Variants in PTPRB observed in about 807,000 individuals in gnomAD.
The protein encoded by PTPRB is protein tyrosine phosphatase receptor type B.
In PTPRB, 97 loss-of-function variants were observed where a neutral mutation model predicts 238.1. That is an observed-to-expected ratio of 0.41 (90% CI 0.35 to 0.48). The LOEUF (loss-of-function observed/expected upper bound fraction) is 0.48, where lower values mean the gene tolerates loss of function less well. Among genes scored for constraint, PTPRB ranks in the 20% least tolerant of loss-of-function variants. The pLI, the probability that PTPRB is intolerant of heterozygous loss-of-function variation, is 0.30. For synonymous variants in PTPRB, 970 were observed against 995.4 expected (o/e 0.97, Z 0.48); for missense variants, 2,292 against 2,681.9 (o/e 0.85, Z 3.21).
chr12:70,596,451 C>G, intron 4 of PTPRB, 124 bp from the exon 5 acceptor site: 1 of 1,049,902 alleles, frequency 9.5e-7, no homozygotes, highest in Non-Finnish European at 1.2e-6. Flanking sequence ...TCATTTTTCT[C>G]AAAAATCTGT....
chr12:70,584,753 T>G (rs35608116), intron 9 of PTPRB, among the ~76,000 whole-genome samples: 1 of 151,918 alleles, frequency 6.6e-6, no homozygotes, highest in Non-Finnish European at 1.5e-5. Context: ...ATGAAGAAAT[T>G]TGAATAACGT....
At chr12:70,541,197 A>G (rs1001319728) in intron 22 of PTPRB, 4 of 395,046 alleles carry the variant, frequency 1.0e-5, no homozygotes, top group Non-Finnish European at 1.8e-5. Context: ...TTTGAAGTTA[A>G]TGTTGCATAG....
intron 8 of PTPRB, among the ~76,000 whole-genome samples, chr12:70,588,852 CTGA>C (rs1882203763): frequency 6.6e-6 from 1 of 151,986 alleles, no homozygotes; most frequent in Non-Finnish European, 1.5e-5. Context: ...ACTTGGGAGG[CTGA>C]GGCACAAGAA....
intron 33 of PTPRB, among the ~76,000 whole-genome samples, chr12:70,522,864 T>TTTC (rs1871814241): frequency 3.4e-5 from 1 of 29,106 alleles, no homozygotes; most frequent in African/African-American, 2.5e-4. Context: ...TTGTTTTTTC[T>TTTC]TTTTTTTTTT....
chr12:70,530,107 T>TAGAA (rs1209872547), intron 32 of PTPRB, among the ~76,000 whole-genome samples: 3 of 150,552 alleles, frequency 2.0e-5, no homozygotes, highest in East Asian at 1.9e-4. Flanking sequence ...TTATAGATTA[T>TAGAA]AGAAAGATTT....
intron 3 of PTPRB, 26 bp downstream of exon 3, chr12:70,622,364 A>G (rs774019292): frequency 1.9e-6 from 3 of 1,609,150 alleles, no homozygotes; most frequent in Non-Finnish European, 2.5e-6. Context: ...TGCACAGACC[A>G]CACTCCACAC....
intron 21 of PTPRB, 137 bp from the exon 22 acceptor site, chr12:70,544,800 C>T (rs1875719253): frequency 1.9e-6 from 1 of 530,174 alleles, no homozygotes; most frequent in Non-Finnish European, 3.3e-6. Flanking sequence ...ATCGGATAGA[C>T]CTGGGTTCAT....
chr12:70,602,326 C>T (rs900917868), intron 4 of PTPRB, among the ~76,000 whole-genome samples: 3 of 152,164 alleles, frequency 2.0e-5, no homozygotes, highest in African/African-American at 7.2e-5. Flanking sequence ...GCACCCTCAT[C>T]CCCATGATAT....
intron 20 of PTPRB, among the ~76,000 whole-genome samples, chr12:70,553,942 G>T (rs926595980): frequency 2.0e-5 from 3 of 152,198 alleles, no homozygotes; most frequent in Non-Finnish European, 4.4e-5. Flanking sequence ...TGGGAAGGCT[G>T]TCTGGCTGGG....
intron 4 of PTPRB, 33 bp from the exon 5 acceptor site, chr12:70,596,360 A>T (rs777886269): frequency 1.5e-6 from 2 of 1,340,320 alleles, no homozygotes; most frequent in Non-Finnish European, 1.9e-6. Flanking sequence ...CACACAAAAA[A>T]AAAAAAGAAA....
At chr12:70,566,275 G>C (rs1241907416) in intron 15 of PTPRB, among the ~76,000 whole-genome samples, 160 bp downstream of exon 15, 1 of 152,116 alleles carries the variant, frequency 6.6e-6, no homozygotes, top group Non-Finnish European at 1.5e-5. Context: ...GCGTGGATAG[G>C]GCAACTGACA....
chr12:70,611,637 C>A (rs374142713), intron 3 of PTPRB, among the ~76,000 whole-genome samples: 6 of 152,236 alleles, frequency 3.9e-5, no homozygotes, highest in African/African-American at 1.4e-4. Context: ...TTTAAAAATA[C>A]CTCTTAATGA....
intron 28 of PTPRB, 149 bp from the exon 29 acceptor site, chr12:70,536,308 G>T: frequency 1.1e-6 from 1 of 936,124 alleles, no homozygotes; most frequent in Non-Finnish European, 1.6e-6. Flanking sequence ...ATGCTTGGGA[G>T]CAGGAAGGAC....
chr12:70,572,189 T>C (rs755581822), intron 11 of PTPRB, 102 bp from the exon 12 acceptor site: 90 of 1,225,556 alleles, frequency 7.3e-5, no homozygotes, highest in Non-Finnish European at 9.8e-5. Flanking sequence ...TAGATTATTA[T>C]TGTGTGCATT....
chr12:70,544,952 C>A (rs1363521471), intron 21 of PTPRB, among the ~76,000 whole-genome samples: 1 of 151,978 alleles, frequency 6.6e-6, no homozygotes, highest in Non-Finnish European at 1.5e-5. Flanking sequence ...GGAAGTCAGA[C>A]AATAAACACA....
Position 70,576,662 on chromosome 12 carries a change from T to TCGGCGGGG in PTPRB, c.2579-18_2579-17insCCCCGCCG, listed in dbSNP as rs1555230172. The TCGGCGGGG allele has an allele frequency of 6.6e-5, 1 of 15,194 alleles. No individual in the cohort carries two copies. The highest frequency in any genetic ancestry group is 3.3e-4 in the African/African-American group (1 of 3,076). 0.9% of individuals were successfully genotyped at this position (15,194 alleles called of 1,614,324 possible). A position where few individuals can be genotyped will look rare whatever the true frequency, so the allele number is the denominator to read the frequency against. Reference sequence around the variant, plus strand: ...TGGAAGGGACTGTGATTTTGAAAGGTGGGGGGCGGGGGGGGGGGGGAAGGG... The same window carrying TCGGCGGGG: ...TGGAAGGGACTGTGATTTTGAAAGGTCGGCGGGGGGGGGGCGGGGGGGGGGGGGAAGGG... On this transcript the variant is annotated splice_polypyrimidine_tract_variant and intron_variant, in intron 10 of 33. Transcript: ENST00000334414.
intron 4 of PTPRB, among the ~76,000 whole-genome samples, chr12:70,599,203 CTG>C (rs918034788): frequency 1.3e-5 from 2 of 152,110 alleles, no homozygotes; most frequent in South Asian, 2.1e-4. Context: ...TATAATATGA[CTG>C]TGTGTGTATG....
At position 70,520,090 on chromosome 12, in the gene PTPRB, C is replaced by T; in HGVS notation, c.*1399G>A. ...CATCAACAAACTTGACCTCTAATTC[C>T]CAAGTTTATTACAGAAAAATTTGTA... On this transcript the variant is annotated 3_prime_UTR_variant, in exon 34 of 34. Transcript: ENST00000334414. 1 of 365,644 alleles carries T rather than the reference C, an allele frequency of 2.7e-6. No homozygotes were observed. The highest frequency in any genetic ancestry group is 5.4e-6 in the Non-Finnish European group (1 of 184,512). The allele number at this position is 365,644 out of a possible 1,614,324, so 22.6% of individuals were successfully genotyped here.
intron 32 of PTPRB, among the ~76,000 whole-genome samples, chr12:70,530,438 T>C (rs886779868): frequency 2.0e-5 from 3 of 152,156 alleles, no homozygotes; most frequent in African/African-American, 7.2e-5. Context: ...GGTGTATACA[T>C]ATACACATGC....
Sources: allele counts gnomAD v4.1 joint callset (sites outside exome capture counted in the v4.1 genomes callset), GRCh38; gene constraint gnomAD v4.1.1; transcripts MANE v1.5; gene names NCBI Gene and HGNC (gene_info 2026-07-23, HGNC 2026-07-21).